Variants in DLGAP1 observed in about 807,000 individuals in gnomAD.
DLGAP1 encodes disks large-associated protein 1.
DLGAP1 carries 11 observed loss-of-function variants against 90.8 expected under a neutral mutation model. The ratio of observed to expected loss-of-function variants is 0.12; its 90% CI spans 0.08 to 0.20. DLGAP1 has a LOEUF of 0.20. DLGAP1 is among the 10% of genes least tolerant of loss of function. DLGAP1 has a pLI of 1.00. For missense variants in DLGAP1, 1,050 were observed against 1,333.8 expected (o/e 0.79, Z 3.31); for synonymous variants, 558 against 540.7 (o/e 1.03, Z -0.44).
At chr18:4,233,639 T>C (rs1238234941) in intron 1 of DLGAP1, among the ~76,000 whole-genome samples, 1 of 152,162 alleles carries the variant, frequency 6.6e-6, no homozygotes, top group East Asian at 1.9e-4. Flanking sequence ...TCATTAAGTT[T>C]GGCCAACACT....
intron 7 of DLGAP1, among the ~76,000 whole-genome samples, chr18:3,698,911 CCTT>C (rs2061183458): frequency 6.6e-6 from 1 of 151,924 alleles, no homozygotes; most frequent in Admixed American, 6.6e-5. Context: ...TCTCTGATAT[CCTT>C]TCTTCCGCTT....
chr18:3,720,545 G>T (rs1463035679), intron 7 of DLGAP1, among the ~76,000 whole-genome samples: 1 of 152,158 alleles, frequency 6.6e-6, no homozygotes, highest in East Asian at 1.9e-4. Context: ...GGTGTAGACA[G>T]AAATGCAAAA....
At chr18:3,644,487 T>G (rs2059050728) in intron 7 of DLGAP1, among the ~76,000 whole-genome samples, 1 of 152,100 alleles carries the variant, frequency 6.6e-6, no homozygotes, top group Non-Finnish European at 1.5e-5. Flanking sequence ...CTTGGCTCAC[T>G]GCAACCTCCG....
At chr18:4,433,550 C>T (rs2083335344) in intron 1 of DLGAP1, among the ~76,000 whole-genome samples, 1 of 152,148 alleles carries the variant, frequency 6.6e-6, no homozygotes, top group African/African-American at 2.4e-5. Flanking sequence ...CTAATGTTAA[C>T]ATAGTAGGCA....
chr18:4,186,625 A>C (rs988474829), intron 1 of DLGAP1, among the ~76,000 whole-genome samples: 5 of 151,998 alleles, frequency 3.3e-5, no homozygotes, highest in Non-Finnish European at 5.9e-5. Flanking sequence ...ATTCTATTCC[A>C]TTGGTCTATG....
chr18:3,735,765 T>C (rs775279095), intron 6 of DLGAP1, among the ~76,000 whole-genome samples: 20 of 152,156 alleles, frequency 1.3e-4, no homozygotes, highest in Non-Finnish European at 2.6e-4. Flanking sequence ...AATTATTCCA[T>C]TGTTATTCTT....
At chr18:3,910,987 C>G (rs575326778) in intron 3 of DLGAP1, among the ~76,000 whole-genome samples, 2 of 152,208 alleles carry the variant, frequency 1.3e-5, no homozygotes, top group South Asian at 2.1e-4. Context: ...TTTTGGCCCA[C>G]GAACTGCTGG....
intron 7 of DLGAP1, among the ~76,000 whole-genome samples, chr18:3,636,616 A>G (rs1023091114): frequency 1.3e-5 from 2 of 150,276 alleles, no homozygotes; most frequent in South Asian, 2.1e-4. Context: ...GGATTACTCT[A>G]TGTTGGCCAG....
chr18:3,880,789 A>T (rs2071137307), intron 3 of DLGAP1, among the ~76,000 whole-genome samples: 1 of 151,654 alleles, frequency 6.6e-6, no homozygotes, highest in African/African-American at 2.4e-5. Context: ...CTAAAAATAC[A>T]AAAATTAGCT....
intron 10 of DLGAP1, among the ~76,000 whole-genome samples, chr18:3,523,581 C>G (rs544996671): frequency 6.6e-6 from 1 of 151,834 alleles, no homozygotes; most frequent in Non-Finnish European, 1.5e-5. Context: ...GGTGCGGTGG[C>G]TCACGCCTGT....
chr18:3,833,095 T>A (rs1480876114), intron 4 of DLGAP1, among the ~76,000 whole-genome samples: 1 of 152,004 alleles, frequency 6.6e-6, no homozygotes, highest in African/African-American at 2.4e-5. Context: ...GGTGGTGTAA[T>A]TTTCTTTTTT....
At chr18:4,369,820 A>T (rs1183503049) in intron 1 of DLGAP1, among the ~76,000 whole-genome samples, 11 of 114,536 alleles carry the variant, frequency 9.6e-5, no homozygotes, top group Non-Finnish European at 1.8e-4. Flanking sequence ...CTTAGTAAAA[A>T]AAAAAAAAAA....
At chr18:4,119,180 C>T (rs1261970366) in intron 2 of DLGAP1, among the ~76,000 whole-genome samples, 1 of 152,118 alleles carries the variant, frequency 6.6e-6, no homozygotes, top group African/African-American at 2.4e-5. Context: ...TAGCCTCGAA[C>T]TTCTGGGCTC....
rs1180826868 is a variant in DLGAP1, at chr18:4,454,534, A to G, written c.-267+472T>C. On this transcript the variant is annotated intron_variant, in intron 1 of 12. Coordinates refer to ENST00000315677, the MANE Select transcript of DLGAP1 (RefSeq NM_004746.4). This position sits in a 1 kb window ranked among gnomAD's most constrained non-coding sequence, Gnocchi z 4.7. ...TGTCACCCAAAAAGCTAGTGCAACA[A>G]CTTGCTTTGCAAACGACCCAGGAGC... 6.6e-6 allele frequency among the ~76,000 whole-genome samples: 1 copy of G among 152,116 alleles called. No homozygotes were observed. Among genetic ancestry groups the G allele is most frequent in the African/African-American group, 2.4e-5 (1 of 41,440 alleles).
chr18:4,078,058 T>G (rs1196791155), intron 2 of DLGAP1, among the ~76,000 whole-genome samples: 1 of 152,032 alleles, frequency 6.6e-6, no homozygotes, highest in East Asian at 1.9e-4. Context: ...AGGTTAAGAG[T>G]TTTTTTCTAT....
chr18:3,518,522 G>GT (rs1379966373), intron 10 of DLGAP1, among the ~76,000 whole-genome samples: 1 of 66,326 alleles, frequency 1.5e-5, no homozygotes, highest in Non-Finnish European at 3.1e-5. Context: ...CCTTCAATTT[G>GT]TTTAAAAAAA....
intron 7 of DLGAP1, among the ~76,000 whole-genome samples, chr18:3,652,329 A>G (rs566984350): frequency 7.2e-5 from 11 of 152,162 alleles, no homozygotes; most frequent in African/African-American, 2.7e-4. Flanking sequence ...GAATTTCCTT[A>G]AAAAGTTTTT....
chr18:3,736,839 T>A (rs547040818), intron 6 of DLGAP1, among the ~76,000 whole-genome samples: 56 of 151,648 alleles, frequency 3.7e-4, no homozygotes, highest in Non-Finnish European at 7.5e-4. Flanking sequence ...GGAGCTGGTT[T>A]TTTGAAAGGA....
At chr18:4,411,833 C>T (rs1253030759) in intron 1 of DLGAP1, among the ~76,000 whole-genome samples, 2 of 152,078 alleles carry the variant, frequency 1.3e-5, no homozygotes, top group African/African-American at 4.8e-5. Context: ...GGCTGGGTTC[C>T]AAGAGGAGAA....
Sources: allele counts gnomAD v4.1 joint callset (sites outside exome capture counted in the v4.1 genomes callset), GRCh38; gene constraint gnomAD v4.1.1; non-coding constraint Gnocchi (gnomAD v3.1); transcripts MANE v1.5; gene names NCBI Gene and HGNC (gene_info 2026-07-23, HGNC 2026-07-21).